EYS: variants seen among roughly 807,000 people sequenced by gnomAD.
EYS encodes EGF-like photoreceptor maintenance factor.
Under a neutral mutation model 282.1 loss-of-function variants are expected in EYS, and 250 were observed. The ratio of observed to expected loss-of-function variants is 0.89; its 90% confidence interval spans 0.80 to 0.98. The LOEUF is 0.98. Ranked by LOEUF, EYS falls within the 50% of genes least tolerant of loss-of-function variation. EYS has a pLI of 0.00. For synonymous variants in EYS, 1,355 were observed against 1,282.9 expected (o/e 1.06, Z -1.20); for missense variants, 4,016 against 3,709.0 (o/e 1.08, Z -2.15).
At chr6:64,549,159 A>G (rs1355791428) in intron 26 of EYS, among the ~76,000 whole-genome samples, 3 of 152,204 alleles carry the variant, frequency 2.0e-5, no homozygotes, top group African/African-American at 7.2e-5. Flanking sequence ...ATTGGGGATA[A>G]CCATGATAAT....
chr6:64,670,061 C>T (rs1334274212), intron 22 of EYS, among the ~76,000 whole-genome samples: 1 of 152,066 alleles, frequency 6.6e-6, no homozygotes, highest in Non-Finnish European at 1.5e-5. Flanking sequence ...GGGAGCCACC[C>T]TTTTGAAATA....
At chr6:65,147,392 G>T (rs1929723) in intron 12 of EYS, among the ~76,000 whole-genome samples, 18,314 of 151,914 alleles carry the variant, frequency 0.12, 1,448 homozygotes, top group African/African-American at 0.22. Context: ...TTATAAGAGG[G>T]ATATTAGAAT....
At chr6:65,068,917 G>A (rs919151661) in intron 12 of EYS, among the ~76,000 whole-genome samples, 3 of 151,688 alleles carry the variant, frequency 2.0e-5, no homozygotes, top group African/African-American at 7.3e-5. Context: ...AAATTTCTCT[G>A]CACTCCTCTA....
At chr6:64,450,664 A>G (rs1775296923) in intron 26 of EYS, among the ~76,000 whole-genome samples, 1 of 152,204 alleles carries the variant, frequency 6.6e-6, no homozygotes, top group Non-Finnish European at 1.5e-5. Context: ...TCTCTCTCAG[A>G]CCACAGTGCA....
intron 1 of EYS, among the ~76,000 whole-genome samples, chr6:65,673,184 C>A (rs1768456439): frequency 6.6e-6 from 1 of 151,936 alleles, no homozygotes; most frequent in Non-Finnish European, 1.5e-5. Context: ...AAAAATAAAA[C>A]AAAATAGTGT....
intron 26 of EYS, among the ~76,000 whole-genome samples, chr6:64,582,454 C>T (rs1233078773): frequency 6.6e-5 from 10 of 152,016 alleles, no homozygotes; most frequent in African/African-American, 9.7e-5. Context: ...GTCCCTGGTG[C>T]CAGAAATTTT....
intron 12 of EYS, among the ~76,000 whole-genome samples, chr6:65,164,736 G>T (rs749713018): frequency 1.3e-5 from 2 of 151,282 alleles, no homozygotes; most frequent in Non-Finnish European, 3.0e-5. Flanking sequence ...AGCGATGTTG[G>T]TTACTTCGGA....
intron 29 of EYS, among the ~76,000 whole-genome samples, chr6:64,367,853 T>C (rs776938628): frequency 2.9e-4 from 44 of 152,112 alleles, no homozygotes; most frequent in Admixed American, 1.0e-3. Context: ...ATCTTGAATC[T>C]GGGTTTGTCC....
chr6:64,361,493 T>G lies in EYS; in HGVS notation c.6078+27197A>C, dbSNP rs141885463. Among the ~76,000 whole-genome samples, 447 of 151,960 alleles carry G rather than the reference T, an allele frequency of 2.9e-3. 3 individuals are homozygous for G. The highest frequency in any genetic ancestry group is 0.01 in the African/African-American group (418 of 41,512). Reference sequence around the variant, plus strand: ...AGTCCATATGATACAAAATATCACTTTAAAATAGTATTAACATTTTTTAGT... The same window carrying G: ...AGTCCATATGATACAAAATATCACTGTAAAATAGTATTAACATTTTTTAGT... On this transcript the variant is annotated intron_variant, in intron 29 of 42. Coordinates refer to ENST00000503581, the MANE Select transcript of EYS (RefSeq NM_001142800.2).
intron 22 of EYS, among the ~76,000 whole-genome samples, chr6:64,633,811 T>G (rs1403600243): frequency 6.6e-6 from 1 of 152,092 alleles, no homozygotes; most frequent in Non-Finnish European, 1.5e-5. Context: ...AATAGCCACA[T>G]AAGTAAATAT....
At chr6:63,923,977 A>T (rs944383576) in intron 35 of EYS, among the ~76,000 whole-genome samples, 12 of 152,216 alleles carry the variant, frequency 7.9e-5, no homozygotes, top group African/African-American at 2.9e-4. Flanking sequence ...AAACATAATG[A>T]AATAACCAGT....
chr6:64,172,827 A>G (rs1019123176), intron 31 of EYS, among the ~76,000 whole-genome samples: 4 of 152,198 alleles, frequency 2.6e-5, no homozygotes, highest in African/African-American at 9.6e-5. Flanking sequence ...TGAACTGTAT[A>G]TGCAAGGGAT....
At chr6:65,307,858 T>A (rs1382054137) in intron 11 of EYS, among the ~76,000 whole-genome samples, 1 of 138,068 alleles carries the variant, frequency 7.2e-6, no homozygotes, top group Non-Finnish European at 1.6e-5. Context: ...TAGTATCTAA[T>A]CTTGTCCAAC....
intron 31 of EYS, among the ~76,000 whole-genome samples, chr6:64,090,039 A>C (rs1057066786): frequency 1.3e-5 from 2 of 152,156 alleles, no homozygotes; most frequent in African/African-American, 4.8e-5. Context: ...CTGAGGCCCC[A>C]AAGCTCTGAC....
intron 41 of EYS, among the ~76,000 whole-genome samples, chr6:63,732,326 A>C (rs1768802043): frequency 6.6e-6 from 1 of 152,128 alleles, no homozygotes; most frequent in South Asian, 2.1e-4. Flanking sequence ...CAGCTCTAAT[A>C]GCTTATTATT....
At chr6:65,029,262 G>A (rs1225794011) in intron 13 of EYS, among the ~76,000 whole-genome samples, 1 of 151,958 alleles carries the variant, frequency 6.6e-6, no homozygotes, top group Non-Finnish European at 1.5e-5. Flanking sequence ...TGATCAGAGT[G>A]TTCTCTTATA....
chr6:65,468,161 C>A (rs1045116296), intron 5 of EYS, among the ~76,000 whole-genome samples: 1 of 152,122 alleles, frequency 6.6e-6, no homozygotes, highest in Non-Finnish European at 1.5e-5. Context: ...TAACAAAAAG[C>A]TGTTTCCAGA....
intron 12 of EYS, among the ~76,000 whole-genome samples, chr6:65,284,437 T>A (rs1344863546): frequency 6.6e-6 from 1 of 152,084 alleles, no homozygotes; most frequent in Non-Finnish European, 1.5e-5. Flanking sequence ...AAAATATCAT[T>A]TTAAAAACTA....
intron 41 of EYS, among the ~76,000 whole-genome samples, chr6:63,758,739 T>G (rs1465924832): frequency 6.6e-6 from 1 of 152,162 alleles, no homozygotes; most frequent in Non-Finnish European, 1.5e-5. Flanking sequence ...AATGAGCTAT[T>G]TTCTGATCTT....
Sources: allele counts gnomAD v4.1 joint callset (sites outside exome capture counted in the v4.1 genomes callset), GRCh38; gene constraint gnomAD v4.1.1; transcripts MANE v1.5; gene names NCBI Gene and HGNC (gene_info 2026-07-23, HGNC 2026-07-21).